Variants in GPC6 observed in about 807,000 individuals in gnomAD.
GPC6 encodes glypican 6, also known as glypican-6.
In GPC6, 14 loss-of-function variants were observed where a neutral mutation model predicts 55.2. The ratio of observed to expected loss-of-function variants is 0.25; its 90% CI spans 0.17 to 0.40. The LOEUF is 0.40. Among genes scored for constraint, GPC6 ranks in the 10% least tolerant of loss-of-function variants. The pLI, the probability that GPC6 is intolerant of heterozygous loss-of-function variation, is 1.00. For missense variants in GPC6, 641 were observed against 708.5 expected, an observed-to-expected ratio of 0.90 and a Z score of 1.08; for synonymous variants, 278 against 259.6, an observed-to-expected ratio of 1.07 and a Z score of -0.68.
At chr13:93,258,316 A>T (rs1433240745) in intron 1 of GPC6, among the ~76,000 whole-genome samples, 1 of 152,210 alleles carries the variant, frequency 6.6e-6, no homozygotes, top group Non-Finnish European at 1.5e-5. Flanking sequence ...TTCTGCAGGT[A>T]GCAGTGGCCA....
chr13:94,107,776 CAT>C (rs1225895085), intron 4 of GPC6, among the ~76,000 whole-genome samples: 6 of 151,954 alleles, frequency 3.9e-5, no homozygotes, highest in Non-Finnish European at 7.4e-5. Flanking sequence ...GACCAGCAAA[CAT>C]GTGAAAAAAT....
intron 1 of GPC6, among the ~76,000 whole-genome samples, chr13:93,371,911 A>T (rs1874671385): frequency 6.6e-6 from 1 of 152,294 alleles, no homozygotes; most frequent in East Asian, 1.9e-4. Flanking sequence ...AGAGCCCACC[A>T]TTGGAGATCT....
intron 3 of GPC6, among the ~76,000 whole-genome samples, chr13:93,911,660 G>A (rs577577090): frequency 1.3e-5 from 2 of 152,262 alleles, no homozygotes; most frequent in South Asian, 4.1e-4. Context: ...TCTAGATTCG[G>A]ATCAAGATTT....
intron 1 of GPC6, among the ~76,000 whole-genome samples, chr13:93,518,822 G>A (rs187302342): frequency 6.6e-6 from 1 of 151,980 alleles, no homozygotes; most frequent in South Asian, 2.1e-4. Context: ...TTATTATGCA[G>A]GACTGTGTTG....
intron 3 of GPC6, among the ~76,000 whole-genome samples, chr13:93,978,003 CACAG>C (rs1382056221): frequency 6.6e-6 from 1 of 152,176 alleles, no homozygotes; most frequent in Non-Finnish European, 1.5e-5. Flanking sequence ...ATGACCTTGA[CACAG>C]ACAGACTATT....
intron 3 of GPC6, among the ~76,000 whole-genome samples, chr13:93,847,929 A>G (rs1159402891): frequency 6.6e-6 from 1 of 152,122 alleles, no homozygotes; most frequent in East Asian, 1.9e-4. Flanking sequence ...CTTATTTTAT[A>G]ATTCTCTTCG....
chr13:94,289,509 C>G (rs1874839190), intron 5 of GPC6, among the ~76,000 whole-genome samples: 1 of 152,162 alleles, frequency 6.6e-6, no homozygotes, highest in Admixed American at 6.5e-5. Context: ...AATCCAATGT[C>G]TGAAATCACT....
intron 2 of GPC6, among the ~76,000 whole-genome samples, chr13:93,673,617 C>CATT: frequency 6.6e-6 from 1 of 152,134 alleles, no homozygotes; most frequent in East Asian, 1.9e-4. Flanking sequence ...TGCATCTTAC[C>CATT]ATTATTATTA....
chr13:93,797,609 A>G (rs565963909), intron 2 of GPC6, among the ~76,000 whole-genome samples: 3 of 152,270 alleles, frequency 2.0e-5, no homozygotes, highest in South Asian at 4.1e-4. Context: ...TTGTTCTCCC[A>G]TTATTACTTA....
chr13:94,391,865 A>G (rs1175966834), intron 7 of GPC6, among the ~76,000 whole-genome samples: 1 of 152,150 alleles, frequency 6.6e-6, no homozygotes, highest in East Asian at 1.9e-4. Flanking sequence ...TGCCTATTTT[A>G]GGTACCTCAT....
chr13:93,231,314 CATATATATATATATACGTAT>C lies in GPC6; in HGVS notation c.160+3710_160+3729del, dbSNP rs1566533125. Among the ~76,000 whole-genome samples, 43 of 80,134 alleles carry C rather than the reference CATATATATATATATACGTAT, an allele frequency of 5.4e-4. 1 individual carries two copies. The highest frequency in any genetic ancestry group is 2.0e-3 in the African/African-American group (38 of 19,142). 52.6% of individuals were successfully genotyped at this position (80,134 alleles called of 152,430 possible). A position where few individuals can be genotyped will look rare whatever the true frequency, so the allele number is the denominator to read the frequency against. ...TGCAAAATCTATTCTTTCCTCATTT[CATATATATATATATACGTAT>C]ATATATATATACATATATATATATA... On this transcript the variant is annotated intron_variant, in intron 1 of 8. Transcript: ENST00000377047.
intron 4 of GPC6, among the ~76,000 whole-genome samples, chr13:94,041,285 C>G (rs1311482170): frequency 6.6e-6 from 1 of 151,770 alleles, no homozygotes; most frequent in African/African-American, 2.4e-5. Context: ...GGAATAGCCA[C>G]TTGAGAGCTA....
chr13:93,919,412 T>C (rs1877452488), intron 3 of GPC6, among the ~76,000 whole-genome samples: 1 of 152,182 alleles, frequency 6.6e-6, no homozygotes, highest in South Asian at 2.1e-4. Context: ...GACAGCTTCA[T>C]TCAGTAAATT....
intron 2 of GPC6, among the ~76,000 whole-genome samples, chr13:93,551,109 T>C (rs981410693): frequency 6.6e-6 from 1 of 152,146 alleles, no homozygotes; most frequent in Non-Finnish European, 1.5e-5. Context: ...TTATGATAAT[T>C]AAAGAAGTCC....
intron 1 of GPC6, among the ~76,000 whole-genome samples, chr13:93,310,669 C>A (rs1179827830): frequency 6.6e-6 from 1 of 152,150 alleles, no homozygotes; most frequent in Non-Finnish European, 1.5e-5. Flanking sequence ...AAATTATTTT[C>A]CCATGGTTTT....
chr13:93,596,626 T>C (rs939079042), intron 2 of GPC6, among the ~76,000 whole-genome samples: 5 of 147,230 alleles, frequency 3.4e-5, no homozygotes, highest in Middle Eastern at 3.6e-3. Context: ...TATATATATA[T>C]ATATATATAA....
intron 2 of GPC6, among the ~76,000 whole-genome samples, chr13:93,592,424 T>C (rs1481649025): frequency 6.8e-6 from 1 of 147,840 alleles, no homozygotes; most frequent in East Asian, 1.9e-4. Flanking sequence ...TAAATATATA[T>C]ATATTTAGTA....
intron 2 of GPC6, among the ~76,000 whole-genome samples, chr13:93,790,023 A>G (rs186206838): frequency 5.1e-4 from 78 of 152,286 alleles, no homozygotes; most frequent in Admixed American, 1.0e-3. Flanking sequence ...AAATCGGTCA[A>G]TTGAAAATGT....
At chr13:93,793,209 T>C (rs970906815) in intron 2 of GPC6, among the ~76,000 whole-genome samples, 1 of 152,196 alleles carries the variant, frequency 6.6e-6, no homozygotes, top group African/African-American at 2.4e-5. Flanking sequence ...ACTGTGAAAC[T>C]AAGTCATTCA....
Sources: gnomAD v4.1 joint callset for allele counts (sites outside exome capture counted in the v4.1 genomes callset) on GRCh38, gnomAD v4.1.1 for gene constraint, MANE v1.5 for transcripts, NCBI Gene and HGNC (gene_info 2026-07-23, HGNC 2026-07-21) for gene names.